The following EVI5 variants were observed in gnomAD, a reference collection of about 807,000 sequenced individuals.
The protein encoded by EVI5 is ecotropic viral integration site 5.
In EVI5, 73 loss-of-function variants were observed where a neutral mutation model predicts 112.0. The observed-to-expected ratio is 0.65, with a 90% confidence interval of 0.54 to 0.79. The LOEUF (loss-of-function observed/expected upper bound fraction) is 0.79. EVI5 is among the 30% of genes least tolerant of loss of function. The pLI is 0.00. For missense variants in EVI5, 900 were observed against 968.8 expected (o/e 0.93, Z 0.94); for synonymous variants, 305 against 319.9 (o/e 0.95, Z 0.50).
intron 10 of EVI5, among the ~76,000 whole-genome samples, chr1:92,673,718 T>G (rs1666246911): frequency 6.6e-6 from 1 of 152,170 alleles, no homozygotes; most frequent in Non-Finnish European, 1.5e-5. Flanking sequence ...GATGTTTCTA[T>G]TAACAAAAAA....
rs956548984 is a variant in EVI5, at chr1:92,750,967, G to A, written c.-81-14340C>T. ...AGATCGAGACCATCCTGGCTAACAC[G>A]GTAAAACCCCGTTTCTACTAAAAAT... On this transcript the variant is annotated intron_variant, in intron 1 of 19. Transcript: ENST00000684568. 2.6e-5 allele frequency among the ~76,000 whole-genome samples: 4 copies of A among 152,142 alleles called. No homozygotes were observed. In the East Asian group the frequency reaches 5.8e-4, roughly 22 times the overall value.
chr1:92,770,259 T>A (rs1292576198), intron 1 of EVI5, among the ~76,000 whole-genome samples: 1 of 152,218 alleles, frequency 6.6e-6, no homozygotes, highest in African/African-American at 2.4e-5. Context: ...CACAGGAAAG[T>A]AACACAGTAT....
intron 16 of EVI5, among the ~76,000 whole-genome samples, chr1:92,610,976 T>C (rs999190581): frequency 7.9e-5 from 12 of 151,890 alleles, no homozygotes; most frequent in East Asian, 1.9e-4. Flanking sequence ...AGGGATAGCA[T>C]TGGGAGATAT....
At chr1:92,536,496 G>T (rs533017208) in intron 19 of EVI5, among the ~76,000 whole-genome samples, 1 of 152,118 alleles carries the variant, frequency 6.6e-6, no homozygotes, top group East Asian at 1.9e-4. Context: ...GCTATTCCAC[G>T]CAAGTTATCA....
At chr1:92,725,719 T>C (rs199928597) in intron 2 of EVI5, among the ~76,000 whole-genome samples, 1 of 30,876 alleles carries the variant, frequency 3.2e-5, no homozygotes, top group Admixed American at 3.9e-4. Flanking sequence ...TGAGATTTTG[T>C]TTAAAAAAAA....
At chr1:92,530,826 G>A (rs952111713) in intron 19 of EVI5, among the ~76,000 whole-genome samples, 1 of 151,928 alleles carries the variant, frequency 6.6e-6, no homozygotes, top group Non-Finnish European at 1.5e-5. Flanking sequence ...ACGAAGATGG[G>A]GAGAAACCAG....
chr1:92,568,993 C>CA (rs993378456), intron 18 of EVI5, among the ~76,000 whole-genome samples: 41 of 152,160 alleles, frequency 2.7e-4, no homozygotes, highest in Admixed American at 6.5e-5. Context: ...GTGCAGGGAT[C>CA]AGCACCCTTA....
chr1:92,606,424 T>C (rs920775327), intron 17 of EVI5, among the ~76,000 whole-genome samples: 2 of 152,204 alleles, frequency 1.3e-5, no homozygotes, highest in Non-Finnish European at 2.9e-5. Flanking sequence ...CACAGACAAT[T>C]TAGCATCATA....
chr1:92,598,696 T>C (rs1462072841), intron 18 of EVI5, among the ~76,000 whole-genome samples: 1 of 152,210 alleles, frequency 6.6e-6, no homozygotes, highest in Non-Finnish European at 1.5e-5. Flanking sequence ...AACTGAGCAT[T>C]ATAGCACAAC....
At chr1:92,602,877 T>C (rs976018397) in intron 18 of EVI5, among the ~76,000 whole-genome samples, 15 of 152,134 alleles carry the variant, frequency 9.9e-5, no homozygotes, top group African/African-American at 3.4e-4. Flanking sequence ...TAAAAACTTT[T>C]GTGATAAAAA....
At chr1:92,632,030 C>T (rs1657266534) in intron 14 of EVI5, among the ~76,000 whole-genome samples, 1 of 112,300 alleles carries the variant, frequency 8.9e-6, no homozygotes. Flanking sequence ...GGGATGAAGC[C>T]CACTTGATCA....
chr1:92,583,947 C>G (rs1383961515), intron 18 of EVI5, among the ~76,000 whole-genome samples: 1 of 152,136 alleles, frequency 6.6e-6, no homozygotes, highest in African/African-American at 2.4e-5. Context: ...TAATCTCTCT[C>G]TGTTCTTTTT....
rs192285687 is a variant in EVI5 at position 92,598,185 on chromosome 1, C to T, written c.2070+7122G>A. Among the ~76,000 whole-genome samples, 6 of 149,446 alleles carry T rather than the reference C, an allele frequency of 4.0e-5. No individual in the cohort carries two copies. In the East Asian group the frequency reaches 1.2e-3, roughly 29 times the overall value. ...AAGACAGATAAAAATTCCACTCTTGCACTCCCATGGAGCTTATGCTCTAGT... is the reference window on the plus strand; with the variant it reads ...AAGACAGATAAAAATTCCACTCTTGTACTCCCATGGAGCTTATGCTCTAGT... On this transcript the variant is annotated intron_variant, in intron 18 of 19. Transcript: ENST00000684568.
chr1:92,624,740 G>A (rs1315173634), intron 15 of EVI5, among the ~76,000 whole-genome samples: 4 of 132,548 alleles, frequency 3.0e-5, no homozygotes, highest in African/African-American at 1.1e-4. Context: ...GGAGAAAAGA[G>A]AGACCTGAGA....
chr1:92,753,414 G>A (rs1364043908), intron 1 of EVI5, among the ~76,000 whole-genome samples: 3 of 152,158 alleles, frequency 2.0e-5, no homozygotes, highest in Non-Finnish European at 4.4e-5. Flanking sequence ...AGCCATATCA[G>A]TTAAGATTCT....
intron 18 of EVI5, among the ~76,000 whole-genome samples, chr1:92,571,217 C>A (rs1670279598): frequency 6.8e-6 from 1 of 146,400 alleles, no homozygotes; most frequent in African/African-American, 2.5e-5. Flanking sequence ...AAAACAACTT[C>A]TAAGGCACAC....
intron 5 of EVI5, among the ~76,000 whole-genome samples, chr1:92,698,576 C>T (rs929177197): frequency 6.6e-5 from 10 of 152,158 alleles, no homozygotes; most frequent in African/African-American, 2.4e-4. Flanking sequence ...TGGAATCACA[C>T]TTGGCATGCT....
intron 1 of EVI5, among the ~76,000 whole-genome samples, chr1:92,750,975 C>T (rs1680099431): frequency 6.6e-6 from 1 of 152,036 alleles, no homozygotes; most frequent in Admixed American, 6.6e-5. Flanking sequence ...ACGGTAAAAC[C>T]CCGTTTCTAC....
At chr1:92,701,033 C>G (rs1671077944) in intron 5 of EVI5, 1 of 152,092 alleles carries the variant, frequency 6.6e-6, no homozygotes. Flanking sequence ...AAATCAATAA[C>G]CACTGGGAGC....
Sources: gnomAD v4.1 joint callset for allele counts (sites outside exome capture counted in the v4.1 genomes callset) on GRCh38, gnomAD v4.1.1 for gene constraint, MANE v1.5 for transcripts, NCBI Gene and HGNC (gene_info 2026-07-23, HGNC 2026-07-21) for gene names.